ASPHD1: variants seen among roughly 807,000 people sequenced by gnomAD.
ASPHD1 encodes aspartate beta-hydroxylase domain-containing protein 1.
In ASPHD1, 20 loss-of-function variants were observed where a neutral mutation model predicts 28.3. The ratio of observed to expected loss-of-function variants is 0.71; its 90% CI spans 0.50 to 1.03. The LOEUF is 1.03. Among genes scored for constraint, ASPHD1 ranks in the 50% least tolerant of loss-of-function variants. The pLI, the probability that ASPHD1 is intolerant of heterozygous loss-of-function variation, is 0.00. For missense variants in ASPHD1, 479 were observed against 524.1 expected, an observed-to-expected ratio of 0.91 and a Z score of 0.84; for synonymous variants, 240 against 221.2, an observed-to-expected ratio of 1.08 and a Z score of -0.75.
intron 3 of ASPHD1, among the ~76,000 whole-genome samples, chr16:29,918,952 CTGG>C (rs1200254027): frequency 1.3e-5 from 2 of 152,184 alleles, no homozygotes; most frequent in African/African-American, 4.8e-5. Context: ...GCCACCGCAC[CTGG>C]CATAATTTTT....
downstream of ASPHD1, chr16:29,906,221 T>G: frequency 5.2e-6 from 1 of 194,120 alleles, no homozygotes; most frequent in Non-Finnish European, 1.0e-5. Context: ...TGGGCTCAAG[T>G]GATCCTTCTG....
rs2068548195 is a variant in ASPHD1 at position 29,901,519 on chromosome 16, G to A, written c.548G>A (p.Gly183Asp). ...CCTGGGAGAGGGCCAGGGGTCCTAG[G>A]TATTCAGCGCCCAGGCCTGCTTTTC... ...PGPGRGPGVL[G>D]IQRPGLLFLP... The change falls in exon 1 of 3, where the codon GGT becomes GAT. Residue 183 changes from glycine (G) to aspartate (D), a missense_variant. Transcript: ENST00000308748. This position sits in a 1 kb window ranked among gnomAD's most constrained non-coding sequence, Gnocchi z 5.1. 6.3e-7 allele frequency: 1 copy of A among 1,589,518 alleles called. No individual in the cohort carries two copies. Among genetic ancestry groups the A allele is most frequent in the Non-Finnish European group, 8.5e-7 (1 of 1,172,988 alleles).
chr16:29,907,832 T>G (rs1205271868), downstream of ASPHD1, among the ~76,000 whole-genome samples: 1 of 151,810 alleles, frequency 6.6e-6, no homozygotes, highest in Non-Finnish European at 1.5e-5. Flanking sequence ...TGCAGTCAAA[T>G]GATGATGTTT....
intron 1 of ASPHD1, 102 bp downstream of exon 1, chr16:29,902,022 T>C: frequency 1.0e-6 from 1 of 976,700 alleles, no homozygotes; most frequent in Non-Finnish European, 1.4e-6. Flanking sequence ...TCATTGTGCC[T>C]CTCTTCTTCC....
At chr16:29,910,852 C>T (rs558550605), downstream of ASPHD1, 4 of 812,936 alleles carry the variant, frequency 4.9e-6, no homozygotes, top group South Asian at 7.0e-5. Context: ...TGTTGTGCAC[C>T]CCAGACCCCA....
chr16:29,904,612 C>CAAAA (rs1243404965), intron 1 of ASPHD1, among the ~76,000 whole-genome samples: 1 of 66,526 alleles, frequency 1.5e-5, no homozygotes, highest in Non-Finnish European at 3.6e-5. Flanking sequence ...GACTTTGTCT[C>CAAAA]AAAAAAAAAA....
In ASPHD1 at chr16:29,903,733, T is replaced by G. The variant is rs1401231986; in HGVS notation, c.950-1119T>G. 2.0e-5 allele frequency among the ~76,000 whole-genome samples: 3 copies of G among 152,118 alleles called. No homozygotes were observed. In the East Asian group the frequency reaches 5.8e-4, roughly 29 times the overall value. On this transcript the variant is annotated intron_variant, in intron 1 of 2. Transcript: ENST00000308748. ...CTGTTCTTTTCAACCTAGAATCCCCTTCCCCCGTACCACCTCCTGAAAAAC... is the reference window on the plus strand; with the variant it reads ...CTGTTCTTTTCAACCTAGAATCCCCGTCCCCCGTACCACCTCCTGAAAAAC...
intron 3 of ASPHD1, chr16:29,911,899 T>C (rs888525998): frequency 1.2e-6 from 2 of 1,609,546 alleles, no homozygotes; most frequent in Non-Finnish European, 1.7e-6. Context: ...ACGAGAGGGG[T>C]GAGGCTGCAG....
chr16:29,907,854 T>C (rs1371380737), downstream of ASPHD1, among the ~76,000 whole-genome samples: 2 of 151,526 alleles, frequency 1.3e-5, no homozygotes, highest in Non-Finnish European at 2.9e-5. Flanking sequence ...GGAAACGATA[T>C]AAGCTGGGTG....
chr16:29,906,669 T>C (rs1439185682), downstream of ASPHD1: 5 of 688,354 alleles, frequency 7.3e-6, no homozygotes, highest in African/African-American at 1.8e-5. Flanking sequence ...AGGCTCTGAG[T>C]GGTGGGGCCG....
chr16:29,914,188 C>T (rs2068767563), intron 3 of ASPHD1: 1 of 152,130 alleles, frequency 6.6e-6, no homozygotes, highest in African/African-American at 2.4e-5. Flanking sequence ...AAGGAGATGA[C>T]ACACAGGAAC....
chr16:29,916,700 T>C (rs1433228564), intron 3 of ASPHD1, among the ~76,000 whole-genome samples: 1 of 152,164 alleles, frequency 6.6e-6, no homozygotes, highest in Non-Finnish European at 1.5e-5. Flanking sequence ...TCTGTCTCTA[T>C]TTAAAAATAA....
At chr16:29,917,674 G>C (rs2068834302) in intron 3 of ASPHD1, among the ~76,000 whole-genome samples, 1 of 151,396 alleles carries the variant, frequency 6.6e-6, no homozygotes, top group South Asian at 2.1e-4. Context: ...AGCTACTCAG[G>C]AGGTTAGGGC....
chr16:29,902,503 C>T (rs1192902705), intron 1 of ASPHD1, among the ~76,000 whole-genome samples: 1 of 152,202 alleles, frequency 6.6e-6, no homozygotes, highest in South Asian at 2.1e-4. Flanking sequence ...CTCTCTGATC[C>T]TGAAGCCTAC....
chr16:29,900,789 C>A lies in ASPHD1; in HGVS notation c.-183C>A, dbSNP rs1486861422. 4.8e-6 allele frequency: 3 copies of A among 620,520 alleles called. No homozygotes were observed. Among genetic ancestry groups the A allele is most frequent in the Non-Finnish European group, 8.3e-6 (3 of 361,388 alleles). 38.4% of individuals were successfully genotyped at this position (620,520 alleles called of 1,614,324 possible). On this transcript the variant is annotated 5_prime_UTR_variant, in exon 1 of 3. Coordinates refer to ENST00000308748, the MANE Select transcript of ASPHD1 (RefSeq NM_181718.4). The stretch of plus-strand genomic sequence containing the variant: ...GCTAGGAGGAAGCGGGGAGAGAGAG[C>A]GAGCGAAAAGCGGGGGTGGGGAGGA...
intron 3 of ASPHD1, chr16:29,912,054 G>T: frequency 6.3e-7 from 1 of 1,587,358 alleles, no homozygotes. Context: ...TTTTTGCTGG[G>T]GAAGAAGCGG....
rs371230382 is a variant in ASPHD1, at chr16:29,911,898, G to T, written c.*62+5939G>T. ...GGGGGAGAGAGGATGGACGAGAGGG[G>T]TGAGGCTGCAGGGAGAGGCCCCCCC... On this transcript the variant is annotated intron_variant and NMD_transcript_variant, in intron 3 of 3. Transcript: ENST00000414952. The T allele has an allele frequency of 4.2e-5, 68 of 1,611,052 alleles. No homozygotes were observed. The African/African-American group carries it at 8.6e-4, about 20-fold the overall frequency.
In ASPHD1 at chr16:29,911,466, A is replaced by G. The variant is rs371731493; in HGVS notation, c.*62+5507A>G. ...ATTTTTTAACTGGGTGACACTAGGC[A>G]AGTTACTTCACCTCTTGGTGTCCCG... On this transcript the variant is annotated intron_variant and NMD_transcript_variant, in intron 3 of 3. Coordinates refer to the ASPHD1 transcript ENST00000414952. The G allele has an allele frequency of 1.8e-5, 10 of 558,894 alleles. No individual in the cohort carries two copies. In the East Asian group the frequency reaches 3.0e-4, roughly 17 times the overall value. The allele number at this position is 558,894 out of a possible 1,614,324, so 34.6% of individuals were successfully genotyped here.
chr16:29,900,696 G>A lies in ASPHD1; in HGVS notation c.-276G>A, dbSNP rs1368891715. ...AGGCCGGAGAGAAAGAAGCTGCCGCGGAGGAAGACAGGCTGCGGGTTCCCG... is the reference window on the plus strand; with the variant it reads ...AGGCCGGAGAGAAAGAAGCTGCCGCAGAGGAAGACAGGCTGCGGGTTCCCG... On this transcript the variant is annotated 5_prime_UTR_variant, in exon 1 of 3. Coordinates refer to ENST00000308748, the MANE Select transcript of ASPHD1 (RefSeq NM_181718.4). 2 of 543,858 alleles carry A rather than the reference G, an allele frequency of 3.7e-6. No individual in the cohort carries two copies. Among genetic ancestry groups the A allele is most frequent in the Non-Finnish European group, 6.5e-6 (2 of 306,772 alleles). The allele number at this position is 543,858 out of a possible 1,614,324, so 33.7% of individuals were successfully genotyped here. A position where few individuals can be genotyped will look rare whatever the true frequency, so the allele number is the denominator to read the frequency against.
Sources: gnomAD v4.1 joint callset for allele counts (sites outside exome capture counted in the v4.1 genomes callset) on GRCh38, gnomAD v4.1.1 for gene constraint, Gnocchi (gnomAD v3.1) non-coding constraint, MANE v1.5 for transcripts, NCBI Gene and HGNC (gene_info 2026-07-23, HGNC 2026-07-21) for gene names.